The following DAZAP1 variants were observed in gnomAD, a reference collection of about 807,000 sequenced individuals.
DAZAP1 encodes DAZ-associated protein 1.
A neutral mutation model predicts 60.1 loss-of-function variants in DAZAP1; 6 were observed. The ratio of observed to expected loss-of-function variants is 0.10; its 90% CI spans 0.05 to 0.20. The LOEUF is 0.20. DAZAP1 is among the 10% of genes least tolerant of loss of function. The probability of loss-of-function intolerance (pLI) is 1.00; values close to 1 mark genes in which losing one functional copy is unlikely to be tolerated. For synonymous variants in DAZAP1, 235 were observed against 215.9 expected (o/e 1.09, Z -0.78); for missense variants, 366 against 560.4 (o/e 0.65, Z 3.50).
chr19:1,415,232 AG>A (rs570185366), intron 1 of DAZAP1, among the ~76,000 whole-genome samples: 5 of 151,516 alleles, frequency 3.3e-5, no homozygotes, highest in Non-Finnish European at 5.9e-5. Flanking sequence ...GTGGGGGTGG[AG>A]GGGGTACTGG....
chr19:1,418,388 A>G lies in DAZAP1; in HGVS notation c.237+18A>G, dbSNP rs776885610. ...GCCGAAACGTAAGTGCCCTTCCGGG[A>G]GCTCACACCCGCTCTCTGTCTCCCC... On this transcript the variant is annotated intron_variant, in intron 3 of 11. Transcript: ENST00000233078. This position sits in a 1 kb window ranked among gnomAD's most constrained non-coding sequence, Gnocchi z 5.7. The G allele has an allele frequency of 6.5e-5, 105 of 1,608,392 alleles. No individual in the cohort carries two copies. The highest frequency in any genetic ancestry group is 8.5e-5 in the Non-Finnish European group (100 of 1,176,082).
chr19:1,434,375 A>G lies in DAZAP1; in HGVS notation c.1049-362A>G. 1 of 231,832 alleles carries G rather than the reference A, an allele frequency of 4.3e-6. No individual in the cohort carries two copies. The highest frequency in any genetic ancestry group is 8.5e-6 in the Non-Finnish European group (1 of 117,146). The allele number at this position is 231,832 out of a possible 1,614,324, so 14.4% of individuals were successfully genotyped here. A position where few individuals can be genotyped will look rare whatever the true frequency, so the allele number is the denominator to read the frequency against. ...AAACTCCGAGAGCCAGCTTTCTAGA[A>G]GCCTGGTCCACCGTGCCTTGGGCCA... On this transcript the variant is annotated intron_variant, in intron 11 of 11. Coordinates refer to ENST00000233078, the MANE Select transcript of DAZAP1 (RefSeq NM_018959.4). This position sits in a 1 kb window ranked among gnomAD's most constrained non-coding sequence, Gnocchi z 8.0.
At position 1,433,299 on chromosome 19, in the gene DAZAP1, G is replaced by A; in HGVS notation, c.1048+609G>A. 1 of 218,764 alleles carries A rather than the reference G, an allele frequency of 4.6e-6. No individual in the cohort carries two copies. Among genetic ancestry groups the A allele is most frequent in the Non-Finnish European group, 9.3e-6 (1 of 107,350 alleles). 13.6% of individuals were successfully genotyped at this position (218,764 alleles called of 1,614,324 possible). A position where few individuals can be genotyped will look rare whatever the true frequency, so the allele number is the denominator to read the frequency against. ...TAGTTCTCGCCCTGCACTGAGCCAG[G>A]AGTCACAGCAGCCTTGCTCAGGACC... On this transcript the variant is annotated intron_variant, in intron 11 of 11. Coordinates refer to ENST00000233078, the MANE Select transcript of DAZAP1 (RefSeq NM_018959.4). The surrounding 1 kb of genome is among the most constrained non-coding windows in gnomAD (Gnocchi z 6.1).
chr19:1,425,186 G>A lies in DAZAP1; in HGVS notation c.464-692G>A, dbSNP rs140456705. 5.3e-5 allele frequency among the ~76,000 whole-genome samples: 8 copies of A among 152,172 alleles called. No homozygotes were observed. Among genetic ancestry groups the A allele is most frequent in the Non-Finnish European group, 1.0e-4 (7 of 68,030 alleles). On this transcript the variant is annotated intron_variant, in intron 6 of 11. Transcript: ENST00000233078. This position sits in a 1 kb window ranked among gnomAD's most constrained non-coding sequence, Gnocchi z 5.4. ...GTATAGAACATGCATAGATGTCTAC[G>A]ATATGACCTCTTCTAGGACTCCTTG...
At position 1,418,066 on chromosome 19, in the gene DAZAP1, A is replaced by G; in HGVS notation, c.71-138A>G. The G allele has an allele frequency of 1.2e-6, 1 of 828,868 alleles. No homozygotes were observed. Among genetic ancestry groups the G allele is most frequent in the South Asian group, 1.7e-5 (1 of 59,752 alleles). The allele number at this position is 828,868 out of a possible 1,614,324, so 51.3% of individuals were successfully genotyped here. On this transcript the variant is annotated intron_variant, in intron 2 of 11. Transcript: ENST00000233078. This position sits in a 1 kb window ranked among gnomAD's most constrained non-coding sequence, Gnocchi z 5.7. ...GGCAGAATTCCCCAGCGCTTCCCGT[A>G]CACCCCCCACCCCCAGTGCAGCATC...
At position 1,430,270 on chromosome 19, in the gene DAZAP1, C is replaced by CCCCCCCAA; in HGVS notation, c.779_780insCCCCCCAA (p.Phe262ProfsTer76). The CCCCCCCAA allele has an allele frequency of 7.3e-7, 1 of 1,368,652 alleles. No homozygotes were observed. Among genetic ancestry groups the CCCCCCCAA allele is most frequent in the Non-Finnish European group, 1.0e-6 (1 of 979,206 alleles). 84.8% of individuals were successfully genotyped at this position (1,368,652 alleles called of 1,614,324 possible). A position where few individuals can be genotyped will look rare whatever the true frequency, so the allele number is the denominator to read the frequency against. ...GGAAGAGGAGCCCCCCCGCCACCCC[C>CCCCCCCAA]ACCGTTCACCTCCTACATCGTGTCC... On this transcript the variant is annotated frameshift_variant, in exon 10 of 12. Transcript: ENST00000233078. LOFTEE classifies it high-confidence loss of function.
Position 1,434,636 on chromosome 19 carries a change from A to G in DAZAP1, c.1049-101A>G. ...CACCCGCACCCCGTGGGACCCGTGG[A>G]CTCAAGGCAGGCTCGGCGGAGCTGT... On this transcript the variant is annotated intron_variant, in intron 11 of 11. Transcript: ENST00000233078. This position sits in a 1 kb window ranked among gnomAD's most constrained non-coding sequence, Gnocchi z 8.0. 3.0e-6 allele frequency: 4 copies of G among 1,312,450 alleles called. No individual in the cohort carries two copies. The highest frequency in any genetic ancestry group is 4.3e-6 in the Non-Finnish European group (4 of 933,382). 81.3% of individuals were successfully genotyped at this position (1,312,450 alleles called of 1,614,324 possible).
At position 1,432,073 on chromosome 19, in the gene DAZAP1, A is replaced by AGGGC. The variant is rs2083466457; in HGVS notation, c.872-438_872-435dup. The AGGGC allele has an allele frequency of 5.7e-6, 1 of 175,854 alleles. No homozygotes were observed. Among genetic ancestry groups the AGGGC allele is most frequent in the African/African-American group, 2.4e-5 (1 of 41,708 alleles). 10.9% of individuals were successfully genotyped at this position (175,854 alleles called of 1,614,324 possible). A position where few individuals can be genotyped will look rare whatever the true frequency, so the allele number is the denominator to read the frequency against. On this transcript the variant is annotated intron_variant, in intron 10 of 11. Transcript: ENST00000233078. This position sits in a 1 kb window ranked among gnomAD's most constrained non-coding sequence, Gnocchi z 4.9. ...GCCTGATATCCAGCAACAGAGGGCA[A>AGGGC]GGGCGGCAGCACCTCCAGCATGACA...
intron 6 of DAZAP1, among the ~76,000 whole-genome samples, chr19:1,424,966 G>A (rs983777374): frequency 6.6e-5 from 10 of 152,220 alleles, no homozygotes; most frequent in East Asian, 1.9e-4. Context: ...CCCGTTAGCC[G>A]GGGGCCGCGC....
At chr19:1,430,779 G>A (rs1187353846) in intron 10 of DAZAP1, among the ~76,000 whole-genome samples, 1 of 150,800 alleles carries the variant, frequency 6.6e-6, no homozygotes, top group Non-Finnish European at 1.5e-5. Flanking sequence ...GGAGTGCAGT[G>A]GCGCAATCGC....
In DAZAP1 at chr19:1,430,383, G is replaced by A. The variant is rs750142381; in HGVS notation, c.871+21G>A. On this transcript the variant is annotated intron_variant, in intron 10 of 11. Transcript: ENST00000233078. ...GTTCAGTAAGTCTAGGGGGCCTTGT[G>A]GGAGGGCCTCCCGCCTGCTCCGGAG... is the stretch of plus-strand genomic sequence containing the variant. The A allele has an allele frequency of 7.4e-6, 11 of 1,477,854 alleles. No individual in the cohort carries two copies. In the South Asian group the frequency reaches 8.7e-5, roughly 12 times the overall value. The allele number at this position is 1,477,854 out of a possible 1,614,324, so 91.5% of individuals were successfully genotyped here. A position where few individuals can be genotyped will look rare whatever the true frequency, so the allele number is the denominator to read the frequency against.
At chr19:1,411,234 C>T (rs1003193511) in intron 1 of DAZAP1, among the ~76,000 whole-genome samples, 3 of 152,206 alleles carry the variant, frequency 2.0e-5, no homozygotes, top group African/African-American at 7.2e-5. Context: ...CGAGGCAGGT[C>T]TCCTGGGCTC....
At chr19:1,420,433 CTT>C (rs1194619905) in intron 4 of DAZAP1, among the ~76,000 whole-genome samples, 2 of 150,472 alleles carry the variant, frequency 1.3e-5, no homozygotes, top group Non-Finnish European at 3.0e-5. Context: ...GGTTTATAGT[CTT>C]TTATTCAAAG....
rs199761568 is a variant in DAZAP1 at position 1,430,405 on chromosome 19, G to A, written c.871+43G>A. 70 of 1,457,508 alleles carry A rather than the reference G, an allele frequency of 4.8e-5. No individual in the cohort carries two copies. In the East Asian group the frequency reaches 9.0e-4, roughly 19 times the overall value. 90.3% of individuals were successfully genotyped at this position (1,457,508 alleles called of 1,614,324 possible). A position where few individuals can be genotyped will look rare whatever the true frequency, so the allele number is the denominator to read the frequency against. On this transcript the variant is annotated intron_variant, in intron 10 of 11. Transcript: ENST00000233078. Reference sequence around the variant, plus strand: ...TGTGGGAGGGCCTCCCGCCTGCTCCGGAGATGCCAGGTGGTGGGCGGGGTG... The same window carrying A: ...TGTGGGAGGGCCTCCCGCCTGCTCCAGAGATGCCAGGTGGTGGGCGGGGTG...
chr19:1,407,746 A>G lies in DAZAP1; in HGVS notation c.-28A>G. The G allele has an allele frequency of 9.3e-7, 1 of 1,080,408 alleles. No homozygotes were observed. Among genetic ancestry groups the G allele is most frequent in the Non-Finnish European group, 1.1e-6 (1 of 893,402 alleles). The allele number at this position is 1,080,408 out of a possible 1,614,324, so 66.9% of individuals were successfully genotyped here. On this transcript the variant is annotated 5_prime_UTR_variant, in exon 1 of 12. Coordinates refer to ENST00000233078, the MANE Select transcript of DAZAP1 (RefSeq NM_018959.4). ...GCGGGAGCGAGCGAGGAGGCCCGGGAGCGCCGAGCGTCGCCGCCGCCGCCG... is the reference window on the plus strand; with the variant it reads ...GCGGGAGCGAGCGAGGAGGCCCGGGGGCGCCGAGCGTCGCCGCCGCCGCCG...
At chr19:1,414,570 C>A (rs894064867) in intron 1 of DAZAP1, among the ~76,000 whole-genome samples, 1 of 151,648 alleles carries the variant, frequency 6.6e-6, no homozygotes. Context: ...TATGGTGAAA[C>A]CCCGTCTCTA....
At chr19:1,412,710 C>T (rs1219630291) in intron 1 of DAZAP1, among the ~76,000 whole-genome samples, 7 of 152,194 alleles carry the variant, frequency 4.6e-5, no homozygotes, top group South Asian at 2.1e-4. Context: ...CCGAATGGCA[C>T]GCAGCAAGCG....
At chr19:1,429,874 C>A in intron 8 of DAZAP1, 93 bp from the exon 9 acceptor site, 2 of 1,508,740 alleles carry the variant, frequency 1.3e-6, no homozygotes, top group Non-Finnish European at 1.8e-6. Context: ...CGGGGTTGGT[C>A]CCAGCCCTTG....
chr19:1,408,603 G>C (rs184754272), intron 1 of DAZAP1, among the ~76,000 whole-genome samples: 2 of 148,718 alleles, frequency 1.3e-5, no homozygotes, highest in East Asian at 4.2e-4. Context: ...CGGGTCAGCC[G>C]GGGCCTGCTG....
Sources: gnomAD v4.1 joint callset for allele counts (sites outside exome capture counted in the v4.1 genomes callset) on GRCh38, gnomAD v4.1.1 for gene constraint, Gnocchi (gnomAD v3.1) non-coding constraint, MANE v1.5 for transcripts, NCBI Gene and HGNC (gene_info 2026-07-23, HGNC 2026-07-21) for gene names.